SUGCT: variants seen among roughly 807,000 people sequenced by gnomAD.
SUGCT encodes succinyl-CoA:glutarate-CoA transferase, also known as succinyl-CoA:glutarate CoA-transferase.
Under a neutral mutation model 55.0 loss-of-function variants are expected in SUGCT, and 41 were observed. That is an observed-to-expected ratio of 0.74 (90% CI 0.58 to 0.97). The LOEUF is 0.97. Ranked by LOEUF, SUGCT falls within the 50% of genes least tolerant of loss-of-function variation. SUGCT has a pLI of 0.00. For synonymous variants in SUGCT, 187 were observed against 200.4 expected (o/e 0.93, Z 0.56); for missense variants, 568 against 547.8 (o/e 1.04, Z -0.37).
chr7:40,231,358 G>C (rs536451440), intron 6 of SUGCT, among the ~76,000 whole-genome samples: 1 of 152,246 alleles, frequency 6.6e-6, no homozygotes, highest in African/African-American at 2.4e-5. Context: ...CAGTCACCTT[G>C]GTCACAGGCC....
intron 12 of SUGCT, among the ~76,000 whole-genome samples, chr7:40,582,630 C>T (rs1797164485): frequency 1.3e-5 from 2 of 152,140 alleles, no homozygotes; most frequent in Admixed American, 6.6e-5. Flanking sequence ...CCTCCTCATC[C>T]TCTGTTAATT....
At chr7:40,144,875 C>G (rs79204041) in intron 1 of SUGCT, among the ~76,000 whole-genome samples, 13 of 152,158 alleles carry the variant, frequency 8.5e-5, no homozygotes, top group African/African-American at 3.1e-4. Context: ...TAAATTTCAC[C>G]TTTATATTAG....
At chr7:40,956,789 C>A in the SUGCT span, among the ~76,000 whole-genome samples, 1 of 152,126 alleles carries the variant, frequency 6.6e-6, no homozygotes, top group Non-Finnish European at 1.5e-5. Context: ...ACTGCTTTTG[C>A]TGTGTCCCAG....
chr7:40,918,460 CAAA>C, the SUGCT span, among the ~76,000 whole-genome samples: 11 of 101,942 alleles, frequency 1.1e-4, no homozygotes, highest in East Asian at 2.7e-4. Flanking sequence ...GACTCTGTCT[CAAA>C]AAAAAAAAAA....
At chr7:40,664,913 T>G (rs1584236318) in intron 12 of SUGCT, among the ~76,000 whole-genome samples, 2 of 146,144 alleles carry the variant, frequency 1.4e-5, no homozygotes, top group Admixed American at 6.8e-5. Context: ...CCGGGAGGCG[T>G]AGCTTGCAGT....
At chr7:40,585,561 C>T (rs578129977) in intron 12 of SUGCT, among the ~76,000 whole-genome samples, 3 of 152,238 alleles carry the variant, frequency 2.0e-5, no homozygotes, top group South Asian at 2.1e-4. Context: ...TTTGTAGAGG[C>T]GAGATCTTGA....
the SUGCT span, among the ~76,000 whole-genome samples, chr7:41,000,296 G>A: frequency 2.6e-4 from 40 of 151,916 alleles, no homozygotes; most frequent in South Asian, 1.7e-3. Flanking sequence ...ACACACACAC[G>A]CACACACACA....
At chr7:40,998,514 A>C in the SUGCT span, among the ~76,000 whole-genome samples, 2 of 152,294 alleles carry the variant, frequency 1.3e-5, no homozygotes, top group African/African-American at 4.8e-5. Flanking sequence ...GGTTTGTCTT[A>C]TTTGGGAAAA....
the SUGCT span, among the ~76,000 whole-genome samples, chr7:40,939,500 A>G: frequency 6.6e-6 from 1 of 152,142 alleles, no homozygotes; most frequent in Non-Finnish European, 1.5e-5. Flanking sequence ...GCACTGATTT[A>G]TATTCCCACC....
At chr7:40,614,239 T>A (rs115042509) in intron 12 of SUGCT, among the ~76,000 whole-genome samples, 361 of 152,278 alleles carry the variant, frequency 2.4e-3, no homozygotes, top group African/African-American at 8.5e-3. Flanking sequence ...CACATTCTTG[T>A]GTGTCTATAG....
chr7:40,619,004 C>T (rs887718817), intron 12 of SUGCT, among the ~76,000 whole-genome samples: 20 of 152,170 alleles, frequency 1.3e-4, no homozygotes, highest in African/African-American at 4.8e-4. Flanking sequence ...TGAAAACCCA[C>T]CGTCTTTGAG....
rs545938424 is a variant in SUGCT, at chr7:40,750,922, TA to T, written c.1153+1430del. 9.2e-5 allele frequency among the ~76,000 whole-genome samples: 14 copies of T among 152,244 alleles called. No homozygotes were observed. In the East Asian group the frequency reaches 2.7e-3, roughly 29 times the overall value. On this transcript the variant is annotated intron_variant, in intron 13 of 13. Coordinates refer to ENST00000335693, the MANE Select transcript of SUGCT (RefSeq NM_001193313.2). ...ATGTGCCAGGTACTGCTTTGGGTCC[TA>T]AAAATACAAAAATAAACCAGACAAC...
chr7:40,866,867 C>T, the SUGCT span, among the ~76,000 whole-genome samples: 4 of 151,944 alleles, frequency 2.6e-5, no homozygotes, highest in African/African-American at 9.7e-5. Context: ...GACAACGATC[C>T]AAACTCGATG....
chr7:40,424,912 A>G (rs143164133), intron 9 of SUGCT, among the ~76,000 whole-genome samples: 79 of 152,240 alleles, frequency 5.2e-4, no homozygotes, highest in African/African-American at 1.8e-3. Flanking sequence ...GTCAGACCCA[A>G]TGGTAGGTAC....
chr7:40,713,246 G>T (rs1284044640), intron 12 of SUGCT, among the ~76,000 whole-genome samples: 1 of 152,180 alleles, frequency 6.6e-6, no homozygotes, highest in Non-Finnish European at 1.5e-5. Context: ...GCTGCAGGCT[G>T]ACCCTCTCCC....
chr7:40,751,804 A>G (rs1231655674), intron 13 of SUGCT, among the ~76,000 whole-genome samples: 1 of 152,230 alleles, frequency 6.6e-6, no homozygotes, highest in Non-Finnish European at 1.5e-5. Context: ...TTTGAAAGTC[A>G]ATATGATTGT....
chr7:40,551,309 T>C (rs1410278935), intron 12 of SUGCT, among the ~76,000 whole-genome samples: 1 of 152,250 alleles, frequency 6.6e-6, no homozygotes, highest in African/African-American at 2.4e-5. Context: ...TATAACGTTC[T>C]ATTTATTTTC....
intron 12 of SUGCT, among the ~76,000 whole-genome samples, chr7:40,585,057 G>A (rs1797304100): frequency 6.6e-6 from 1 of 152,192 alleles, no homozygotes; most frequent in South Asian, 2.1e-4. Flanking sequence ...TCCTCCTTGA[G>A]AAGATGAAAT....
At chr7:40,567,886 G>A (rs570513494) in intron 12 of SUGCT, among the ~76,000 whole-genome samples, 3 of 152,342 alleles carry the variant, frequency 2.0e-5, no homozygotes, top group Non-Finnish European at 4.4e-5. Flanking sequence ...TGAAGCTACA[G>A]AAGGTTGCTG....
Sources: gnomAD v4.1 joint callset for allele counts (sites outside exome capture counted in the v4.1 genomes callset) on GRCh38, gnomAD v4.1.1 for gene constraint, MANE v1.5 for transcripts, NCBI Gene and HGNC (gene_info 2026-07-23, HGNC 2026-07-21) for gene names.